The following RBFOX1 variants were observed in gnomAD, a reference collection of about 807,000 sequenced individuals.
RBFOX1 encodes the protein RNA binding protein fox-1 homolog 1.
RBFOX1 carries 8 observed loss-of-function variants against 57.7 expected under a neutral mutation model. The observed-to-expected ratio is 0.14, with a 90% confidence interval of 0.08 to 0.25. The LOEUF (loss-of-function observed/expected upper bound fraction) is 0.25. Ranked by LOEUF, RBFOX1 falls within the 10% of genes least tolerant of loss-of-function variation. The probability of loss-of-function intolerance (pLI) is 1.00; values close to 1 mark genes in which losing one functional copy is unlikely to be tolerated. For missense variants in RBFOX1, 611 were observed against 548.5 expected (o/e 1.11, Z -1.14); for synonymous variants, 326 against 222.4 (o/e 1.47, Z -4.15).
At chr16:6,929,531 TA>T (rs1458764085) in intron 3 of RBFOX1, among the ~76,000 whole-genome samples, 1 of 152,078 alleles carries the variant, frequency 6.6e-6, no homozygotes, top group African/African-American at 2.4e-5. Flanking sequence ...TCAGAAGGCT[TA>T]AAAATCCAGT....
intron 4 of RBFOX1, among the ~76,000 whole-genome samples, chr16:7,390,569 A>G (rs1379171865): frequency 6.6e-6 from 1 of 152,242 alleles, no homozygotes; most frequent in African/African-American, 2.4e-5. Flanking sequence ...TGCACATCGC[A>G]GAGATTATGC....
intron 1 of RBFOX1, among the ~76,000 whole-genome samples, chr16:5,406,776 C>T (rs1021958074): frequency 6.6e-6 from 1 of 151,992 alleles, no homozygotes; most frequent in Non-Finnish European, 1.5e-5. Context: ...GGCTGGGGAT[C>T]CAATAGTGAA....
intron 1 of RBFOX1, among the ~76,000 whole-genome samples, chr16:5,317,112 G>A (rs576326551): frequency 1.5e-4 from 23 of 152,168 alleles, no homozygotes; most frequent in Non-Finnish European, 3.1e-4. Flanking sequence ...CATCTTCCCT[G>A]GTTTTCCAGC....
At chr16:6,800,006 ATTAG>A (rs1433447234) in intron 3 of RBFOX1, among the ~76,000 whole-genome samples, 13 of 152,154 alleles carry the variant, frequency 8.5e-5, no homozygotes, top group Admixed American at 1.3e-4. Context: ...CATATATCCT[ATTAG>A]TTCTGTCCCT....
intron 1 of RBFOX1, among the ~76,000 whole-genome samples, chr16:5,339,778 C>T (rs1034584993): frequency 6.6e-6 from 1 of 152,056 alleles, no homozygotes; most frequent in African/African-American, 2.4e-5. Flanking sequence ...GGGGTGAACA[C>T]AAGCCTTCCA....
chr16:7,550,131 A>G (rs1179020675), intron 5 of RBFOX1, among the ~76,000 whole-genome samples: 6 of 151,860 alleles, frequency 4.0e-5, no homozygotes, highest in South Asian at 2.1e-4. Flanking sequence ...AGGTCTTTCT[A>G]TGTTGCCCAG....
chr16:6,918,533 G>A (rs1325675500), intron 3 of RBFOX1, among the ~76,000 whole-genome samples: 1 of 152,080 alleles, frequency 6.6e-6, no homozygotes, highest in Admixed American at 6.6e-5. Context: ...CTTTCATGTT[G>A]CAATTCCCTC....
chr16:6,485,588 G>T (rs928869985), intron 2 of RBFOX1, among the ~76,000 whole-genome samples: 3 of 152,052 alleles, frequency 2.0e-5, no homozygotes, highest in Non-Finnish European at 4.4e-5. Context: ...GAATTATTTA[G>T]TATCAGGCAA....
At chr16:7,693,010 G>A (rs192373013) in intron 14 of RBFOX1, among the ~76,000 whole-genome samples, 4 of 152,118 alleles carry the variant, frequency 2.6e-5, no homozygotes, top group Non-Finnish European at 2.9e-5. Context: ...AAAGTCATAT[G>A]AGCACAATTT....
intron 4 of RBFOX1, among the ~76,000 whole-genome samples, chr16:6,007,681 A>G (rs757652670): frequency 3.3e-5 from 5 of 152,246 alleles, no homozygotes; most frequent in Admixed American, 6.5e-5. Flanking sequence ...TAGGCACTCA[A>G]TACATACTTG....
intron 2 of RBFOX1, among the ~76,000 whole-genome samples, chr16:6,610,037 C>T (rs1601442628): frequency 1.3e-5 from 2 of 151,490 alleles, no homozygotes; most frequent in Admixed American, 1.3e-4. Flanking sequence ...CAAAACAAAA[C>T]AAAACAAAAA....
At chr16:6,256,287 G>GTA (rs1409952240) in intron 1 of RBFOX1, among the ~76,000 whole-genome samples, 30 of 108,070 alleles carry the variant, frequency 2.8e-4, no homozygotes, top group African/African-American at 4.4e-4. Context: ...ATATATGTGT[G>GTA]TATATATATA....
intron 1 of RBFOX1, among the ~76,000 whole-genome samples, chr16:6,269,260 T>C (rs2074922418): frequency 6.6e-6 from 1 of 152,182 alleles, no homozygotes; most frequent in South Asian, 2.1e-4. Context: ...TCATTTAATT[T>C]GTATTATTTT....
At position 5,503,357 on chromosome 16, in the gene RBFOX1, G is replaced by A. The variant is rs570431481; in HGVS notation, c.258+36103G>A. On this transcript the variant is annotated intron_variant, in intron 2 of 2. Coordinates refer to the RBFOX1 transcript ENST00000585867. ...AATCTCCCTCACCCCTCTTCTTTTT[G>A]GAATAGGTTTACTGAGATATAATTC... 5.3e-5 allele frequency among the ~76,000 whole-genome samples: 8 copies of A among 152,234 alleles called. No homozygotes were observed. The South Asian group carries it at 1.5e-3, about 28-fold the overall frequency.
chr16:5,646,195 T>TG lies in RBFOX1; in HGVS notation c.318+47234_318+47235insG, dbSNP rs1567341658. 9.4e-3 allele frequency among the ~76,000 whole-genome samples: 1,422 copies of TG among 150,818 alleles called. 23 individuals carry two copies. The highest frequency in any genetic ancestry group is 0.033 in the African/African-American group (1,356 of 41,184). On this transcript the variant is annotated intron_variant, in intron 3 of 19. Coordinates refer to the RBFOX1 transcript ENST00000641259. ...CAGGCACGTGCTATTTTTTTTTTTT[T>TG]TTTGTATTTTTAGTGGAGACAGGGT...
In RBFOX1 at chr16:7,414,267, G is replaced by C. The variant is rs200953103; in HGVS notation, c.28-103880G>C. ...AGTGCTCACCTTGGTGGAGATGATT[G>C]GCAGCCTGCCTTACACAAGGAACTC... is the stretch of plus-strand genomic sequence containing the variant. On this transcript the variant is annotated intron_variant, in intron 4 of 15. Transcript: ENST00000550418. 1.3e-4 allele frequency among the ~76,000 whole-genome samples: 20 copies of C among 152,328 alleles called. No homozygotes were observed. In the East Asian group the frequency reaches 3.1e-3, roughly 23 times the overall value.
At chr16:5,272,926 A>T (rs2063050684) in intron 1 of RBFOX1, among the ~76,000 whole-genome samples, 1 of 152,230 alleles carries the variant, frequency 6.6e-6, no homozygotes, top group Non-Finnish European at 1.5e-5. Context: ...GCCTTTGGAA[A>T]GTCATGGTAG....
intron 3 of RBFOX1, among the ~76,000 whole-genome samples, chr16:7,030,930 T>G (rs1056605198): frequency 6.6e-6 from 1 of 152,180 alleles, no homozygotes; most frequent in Non-Finnish European, 1.5e-5. Flanking sequence ...GAAGGGAATG[T>G]GGGTATTTAT....
chr16:6,098,276 A>C (rs1012079775), intron 1 of RBFOX1, among the ~76,000 whole-genome samples: 17 of 152,310 alleles, frequency 1.1e-4, no homozygotes, highest in African/African-American at 3.8e-4. Context: ...GACAGGCCCA[A>C]GGTCACCTGG....
Sources: gnomAD v4.1 joint callset for allele counts (sites outside exome capture counted in the v4.1 genomes callset) on GRCh38, gnomAD v4.1.1 for gene constraint, MANE v1.5 for transcripts, NCBI Gene and HGNC (gene_info 2026-07-23, HGNC 2026-07-21) for gene names.